The following DCC variants were observed in gnomAD, a reference collection of about 807,000 sequenced individuals.
The protein encoded by DCC is DCC netrin 1 receptor, also known as netrin receptor DCC.
In DCC, 58 loss-of-function variants were observed where a neutral mutation model predicts 172.5. The ratio of observed to expected loss-of-function variants is 0.34; its 90% CI spans 0.27 to 0.42. DCC has a LOEUF of 0.42. DCC is among the 10% of genes least tolerant of loss of function. The probability of loss-of-function intolerance (pLI) is 1.00; values close to 1 mark genes in which losing one functional copy is unlikely to be tolerated. For missense variants in DCC, 1,740 were observed against 1,791.0 expected (o/e 0.97, Z 0.51); for synonymous variants, 709 against 644.5 (o/e 1.10, Z -1.52).
chr18:52,825,956 G>A (rs7233349), intron 2 of DCC, among the ~76,000 whole-genome samples: 40,089 of 152,054 alleles, frequency 0.26, 5,410 homozygotes, highest in South Asian at 0.3. Flanking sequence ...AGATAATATT[G>A]TTACAGGAAA....
chr18:53,475,607 G>A (rs1284588135), intron 25 of DCC, among the ~76,000 whole-genome samples: 1 of 152,216 alleles, frequency 6.6e-6, no homozygotes, highest in African/African-American at 2.4e-5. Flanking sequence ...TGGGGTTTGG[G>A]AACCTCTGCC....
chr18:52,590,227 T>A (rs528796505), intron 1 of DCC, among the ~76,000 whole-genome samples: 2 of 152,230 alleles, frequency 1.3e-5, no homozygotes, highest in Non-Finnish European at 1.5e-5. Flanking sequence ...TTTGGTGCAA[T>A]TTTTTTCAAG....
intron 1 of DCC, among the ~76,000 whole-genome samples, chr18:52,710,010 T>A (rs1870579): frequency 1.3e-5 from 2 of 152,168 alleles, no homozygotes; most frequent in East Asian, 1.9e-4. Flanking sequence ...GGATTGCCCA[T>A]CAGCCAGATT....
At chr18:53,260,925 G>A (rs991327716) in intron 12 of DCC, among the ~76,000 whole-genome samples, 3 of 152,062 alleles carry the variant, frequency 2.0e-5, no homozygotes, top group South Asian at 2.1e-4. Flanking sequence ...CCCCAGCCTC[G>A]CTGCCACCTT....
chr18:53,076,426 T>A (rs1454613791), intron 7 of DCC, among the ~76,000 whole-genome samples: 1 of 152,134 alleles, frequency 6.6e-6, no homozygotes, highest in Non-Finnish European at 1.5e-5. Context: ...AAGGTATCCC[T>A]TTTGCTTAGG....
At chr18:52,552,870 G>A (rs1025933374) in intron 1 of DCC, among the ~76,000 whole-genome samples, 3 of 152,038 alleles carry the variant, frequency 2.0e-5, no homozygotes, top group Non-Finnish European at 4.4e-5. Context: ...ACTTTTCACT[G>A]ATGATATGTA....
intron 1 of DCC, among the ~76,000 whole-genome samples, chr18:52,395,607 T>G (rs1986195022): frequency 6.6e-6 from 1 of 152,066 alleles, no homozygotes; most frequent in Non-Finnish European, 1.5e-5. Flanking sequence ...CTCTGTGTGA[T>G]TCTAAGCAGA....
chr18:53,478,724 C>T (rs2045797436), intron 25 of DCC, among the ~76,000 whole-genome samples: 1 of 152,188 alleles, frequency 6.6e-6, no homozygotes, highest in Non-Finnish European at 1.5e-5. Flanking sequence ...CTCTCCTTCC[C>T]TTTCCCACCA....
chr18:52,683,569 A>G (rs2035783343), intron 1 of DCC, among the ~76,000 whole-genome samples: 1 of 152,098 alleles, frequency 6.6e-6, no homozygotes, highest in Non-Finnish European at 1.5e-5. Context: ...ACCATGGCCT[A>G]TTACCAAATG....
At chr18:52,943,478 T>A (rs1310455924) in intron 5 of DCC, among the ~76,000 whole-genome samples, 1 of 152,186 alleles carries the variant, frequency 6.6e-6, no homozygotes, top group Admixed American at 6.5e-5. Context: ...ATTTGAAGAG[T>A]ACATCTGAGA....
At chr18:52,701,596 T>C (rs1307247712) in intron 1 of DCC, among the ~76,000 whole-genome samples, 2 of 152,266 alleles carry the variant, frequency 1.3e-5, no homozygotes, top group African/African-American at 2.4e-5. Flanking sequence ...CTGAGGCTTA[T>C]GTCTTTTTAG....
chr18:53,044,056 C>A (rs1055223960), intron 5 of DCC, among the ~76,000 whole-genome samples: 1 of 151,836 alleles, frequency 6.6e-6, no homozygotes, highest in African/African-American at 2.4e-5. Context: ...ACTGTTCTTG[C>A]CTACTAATAT....
At chr18:52,664,159 C>T (rs1216669087) in intron 1 of DCC, among the ~76,000 whole-genome samples, 1 of 152,106 alleles carries the variant, frequency 6.6e-6, no homozygotes, top group Non-Finnish European at 1.5e-5. Context: ...GCTAACAAAA[C>T]TTCTTAAAGA....
At chr18:53,130,684 A>C (rs1377204734) in intron 7 of DCC, among the ~76,000 whole-genome samples, 1 of 152,104 alleles carries the variant, frequency 6.6e-6, no homozygotes, top group Non-Finnish European at 1.5e-5. Flanking sequence ...CTGTATTATC[A>C]GGCTGTCCTG....
intron 5 of DCC, among the ~76,000 whole-genome samples, chr18:52,968,153 C>G (rs1051522857): frequency 6.6e-6 from 1 of 152,118 alleles, no homozygotes; most frequent in Admixed American, 6.5e-5. Context: ...GTTCCATCCT[C>G]CAGCTACCCT....
intron 5 of DCC, among the ~76,000 whole-genome samples, chr18:53,051,566 C>T (rs769182752): frequency 8.5e-5 from 13 of 152,080 alleles, no homozygotes; most frequent in African/African-American, 2.9e-4. Context: ...CTAGAAAGTG[C>T]TGTATTTCCT....
intron 5 of DCC, among the ~76,000 whole-genome samples, chr18:52,993,789 T>A (rs2041433656): frequency 6.6e-6 from 1 of 151,330 alleles, no homozygotes; most frequent in Non-Finnish European, 1.5e-5. Context: ...ATAGTTCTCA[T>A]TTTTATAAGT....
At chr18:52,397,006 T>G (rs933549961) in intron 1 of DCC, among the ~76,000 whole-genome samples, 6 of 152,028 alleles carry the variant, frequency 3.9e-5, no homozygotes, top group Non-Finnish European at 8.8e-5. Context: ...AATGTTTCTG[T>G]GTATAGAAAG....
chr18:52,950,045 C>T (rs2040611636), intron 5 of DCC, among the ~76,000 whole-genome samples: 1 of 152,202 alleles, frequency 6.6e-6, no homozygotes, highest in Non-Finnish European at 1.5e-5. Context: ...GCACTGGAGA[C>T]ATGGTTGGCT....
Sources: allele counts gnomAD v4.1 joint callset (sites outside exome capture counted in the v4.1 genomes callset), GRCh38; gene constraint gnomAD v4.1.1; transcripts MANE v1.5; gene names NCBI Gene and HGNC (gene_info 2026-07-23, HGNC 2026-07-21).